The following SPMIP7 variants were observed in gnomAD, a reference collection of about 807,000 sequenced individuals.
The protein encoded by SPMIP7 is sperm microtubule inner protein 7, also known as protein SPMIP7.
chr7:50,128,828 C>A, the SPMIP7 span, among the ~76,000 whole-genome samples: 1 of 151,738 alleles, frequency 6.6e-6, no homozygotes, highest in South Asian at 2.1e-4. Flanking sequence ...ATTGTTAAAT[C>A]GAAGAAGTAT....
chr7:50,133,224 T>G, the SPMIP7 span, among the ~76,000 whole-genome samples: 1 of 121,402 alleles, frequency 8.2e-6, no homozygotes, highest in Non-Finnish European at 1.7e-5. Context: ...CCCATATTTG[T>G]GTGTGTGTGT....
At chr7:50,095,961 G>T in the SPMIP7 span, 1 of 610,114 alleles carries the variant, frequency 1.6e-6, no homozygotes, top group Non-Finnish European at 2.5e-6. Context: ...CATTTAGAAA[G>T]CTGTGTCAAT....
chr7:50,111,680 T>G, the SPMIP7 span, among the ~76,000 whole-genome samples: 3 of 152,296 alleles, frequency 2.0e-5, no homozygotes, highest in East Asian at 5.8e-4. Flanking sequence ...GGGTGCTGCT[T>G]TTTGTTAAAA....
the SPMIP7 span, among the ~76,000 whole-genome samples, chr7:50,102,165 A>G: frequency 1.3e-5 from 2 of 152,178 alleles, no homozygotes; most frequent in Admixed American, 6.5e-5. Flanking sequence ...CTCTACTAAA[A>G]GTACAAAAAT....
At chr7:50,154,001 GAAACA>G in the SPMIP7 span, among the ~76,000 whole-genome samples, 1 of 152,138 alleles carries the variant, frequency 6.6e-6, no homozygotes, top group African/African-American at 2.4e-5. Flanking sequence ...CATTTGATGA[GAAACA>G]TTTTAAAAGG....
the SPMIP7 span, among the ~76,000 whole-genome samples, chr7:50,126,400 CT>C: frequency 6.6e-6 from 1 of 151,022 alleles, no homozygotes; most frequent in East Asian, 1.9e-4. Flanking sequence ...AATCAGAAGA[CT>C]TACCACAGTG....
chr7:50,123,999 C>T, the SPMIP7 span, among the ~76,000 whole-genome samples: 1 of 152,024 alleles, frequency 6.6e-6, no homozygotes, highest in Non-Finnish European at 1.5e-5. Context: ...AAGAGGCATA[C>T]TTCAGTTATA....
At chr7:50,097,951 A>G in the SPMIP7 span, among the ~76,000 whole-genome samples, 4 of 152,196 alleles carry the variant, frequency 2.6e-5, no homozygotes, top group African/African-American at 9.6e-5. Flanking sequence ...TTAACTATTA[A>G]GAGTTTCAAA....
At chr7:50,122,289 A>C in the SPMIP7 span, among the ~76,000 whole-genome samples, 1 of 151,924 alleles carries the variant, frequency 6.6e-6, no homozygotes, top group Admixed American at 6.6e-5. Flanking sequence ...GATCTTTGAC[A>C]AACCTGAGAA....
the SPMIP7 span, chr7:50,151,666 G>T: frequency 1.3e-6 from 1 of 766,170 alleles, no homozygotes; most frequent in East Asian, 2.9e-5. Context: ...AATTTACATT[G>T]TTTTTAAAAA....
At chr7:50,107,362 CAAAAAAAAAAAAAAAAAAAAAAAGAAAAG>C in the SPMIP7 span, among the ~76,000 whole-genome samples, 3 of 16,654 alleles carry the variant, frequency 1.8e-4, no homozygotes, top group Non-Finnish European at 3.0e-4. Context: ...GACTCTGTCT[CAAAAAAAAAAAAAAAAAAAAAAAGAAAAG>C]AAAAGAAAAA....
At chr7:50,116,858 A>G in the SPMIP7 span, among the ~76,000 whole-genome samples, 1 of 152,206 alleles carries the variant, frequency 6.6e-6, no homozygotes, top group Non-Finnish European at 1.5e-5. Context: ...AAGGGTCACA[A>G]TGTTTTAATG....
chr7:50,129,500 T>C, the SPMIP7 span, among the ~76,000 whole-genome samples: 1 of 152,058 alleles, frequency 6.6e-6, no homozygotes, highest in African/African-American at 2.4e-5. Flanking sequence ...AACTTTAATA[T>C]ACATTTTGTG....
the SPMIP7 span, among the ~76,000 whole-genome samples, chr7:50,109,746 A>C: frequency 1.3e-5 from 2 of 152,288 alleles, no homozygotes; most frequent in South Asian, 2.1e-4. Flanking sequence ...TATTTTTATT[A>C]TATCTACCTC....
chr7:50,152,420 G>A, the SPMIP7 span, among the ~76,000 whole-genome samples: 5 of 152,176 alleles, frequency 3.3e-5, no homozygotes, highest in African/African-American at 9.7e-5. Context: ...CTACTAGTGA[G>A]AAGGAGCACA....
the SPMIP7 span, chr7:50,134,069 AT>A: frequency 6.0e-6 from 9 of 1,493,354 alleles, no homozygotes; most frequent in South Asian, 5.2e-5. Context: ...CCAATTGAAT[AT>A]GCTTTTCATA....
At chr7:50,152,410 C>G in the SPMIP7 span, among the ~76,000 whole-genome samples, 1 of 152,088 alleles carries the variant, frequency 6.6e-6, no homozygotes, top group African/African-American at 2.4e-5. Context: ...TTATTTGAAG[C>G]TACTAGTGAG....
the SPMIP7 span, among the ~76,000 whole-genome samples, chr7:50,127,777 C>T: frequency 6.6e-6 from 1 of 151,732 alleles, no homozygotes; most frequent in African/African-American, 2.4e-5. Context: ...CATCTCACAC[C>T]AGTTAAAATG....
the SPMIP7 span, among the ~76,000 whole-genome samples, chr7:50,105,182 A>C: frequency 2.0e-5 from 3 of 152,204 alleles, no homozygotes; most frequent in African/African-American, 7.2e-5. Flanking sequence ...ACATACACAG[A>C]TATAAAAACA....
Sources: allele counts gnomAD v4.1 joint callset (sites outside exome capture counted in the v4.1 genomes callset), GRCh38; gene constraint gnomAD v4.1.1; transcripts MANE v1.5; gene names NCBI Gene and HGNC (gene_info 2026-07-23, HGNC 2026-07-21).